DAAM2: variants seen among roughly 807,000 people sequenced by gnomAD.
The protein encoded by DAAM2 is dishevelled associated activator of morphogenesis 2, also known as disheveled-associated activator of morphogenesis 2.
In DAAM2, 39 loss-of-function variants were observed where a neutral mutation model predicts 120.7. The observed-to-expected ratio is 0.32, with a 90% CI of 0.25 to 0.42. The LOEUF (loss-of-function observed/expected upper bound fraction) is 0.42. DAAM2 is among the 10% of genes least tolerant of loss of function. The pLI, the probability that DAAM2 is intolerant of heterozygous loss-of-function variation, is 1.00. For synonymous variants in DAAM2, 488 were observed against 524.9 expected (o/e 0.93, Z 0.96); for missense variants, 1,283 against 1,401.7 (o/e 0.92, Z 1.35).
intron 1 of DAAM2, among the ~76,000 whole-genome samples, chr6:39,852,321 G>A (rs1763837725): frequency 6.6e-6 from 1 of 152,138 alleles, no homozygotes; most frequent in South Asian, 2.1e-4. Context: ...AATTCCTGTG[G>A]CCACTTCACC....
At chr6:39,897,591 G>A (rs1175992941) in intron 21 of DAAM2, among the ~76,000 whole-genome samples, 2 of 152,202 alleles carry the variant, frequency 1.3e-5, no homozygotes, top group African/African-American at 4.8e-5. Flanking sequence ...CTCCCAGTAT[G>A]GGAGACTTAC....
At chr6:39,877,801 G>A (rs1446197409) in intron 11 of DAAM2, among the ~76,000 whole-genome samples, 1 of 152,134 alleles carries the variant, frequency 6.6e-6, no homozygotes, top group African/African-American at 2.4e-5. Flanking sequence ...ACCATGGTAG[G>A]GCCAATATTT....
At chr6:39,837,928 G>GAT (rs931897464) in intron 1 of DAAM2, among the ~76,000 whole-genome samples, 80 of 152,288 alleles carry the variant, frequency 5.3e-4, no homozygotes, top group African/African-American at 1.8e-3. Flanking sequence ...GGCCCCCTCT[G>GAT]ATATCAGCCT....
intron 22 of DAAM2, 38 bp downstream of exon 22, chr6:39,898,975 CT>C: frequency 6.4e-7 from 1 of 1,550,634 alleles, no homozygotes; most frequent in Non-Finnish European, 8.8e-7. Flanking sequence ...GTGAGGGCTG[CT>C]GTCAGCAAAC....
At chr6:39,860,163 A>C (rs757388812) in intron 2 of DAAM2, among the ~76,000 whole-genome samples, 9 of 152,164 alleles carry the variant, frequency 5.9e-5, no homozygotes, top group Admixed American at 1.3e-4. Flanking sequence ...AATTCACCCT[A>C]AAATACCTAT....
chr6:39,876,967 C>T lies in DAAM2; in HGVS notation c.1302-1236C>T, dbSNP rs374194418. Among the ~76,000 whole-genome samples the T allele has an allele frequency of 1.4e-4, 22 of 152,326 alleles. 1 individual carries two copies. In the East Asian group the frequency reaches 3.9e-3, roughly 27 times the overall value. On this transcript the variant is annotated intron_variant, in intron 11 of 24. Transcript: ENST00000274867. ...TGCCTTTTTGGCATATGGGTAAAGA[C>T]GTCAGTGTGTTCCTGGAATCTTCAG...
intron 1 of DAAM2, among the ~76,000 whole-genome samples, chr6:39,842,840 G>A (rs1441665860): frequency 1.3e-5 from 2 of 150,064 alleles, no homozygotes; most frequent in African/African-American, 4.9e-5. Context: ...AGAGGGGGAG[G>A]AAGCAGGGGA....
intron 2 of DAAM2, among the ~76,000 whole-genome samples, chr6:39,857,129 A>G (rs1331543849): frequency 6.6e-6 from 1 of 152,214 alleles, no homozygotes; most frequent in East Asian, 1.9e-4. Context: ...GTGCAGCTTT[A>G]TACCCTGGCC....
chr6:39,866,519 G>A (rs1764437910), intron 5 of DAAM2, among the ~76,000 whole-genome samples: 1 of 152,150 alleles, frequency 6.6e-6, no homozygotes, highest in African/African-American at 2.4e-5. Context: ...CTAAATCAAG[G>A]GTACCTGTGT....
At chr6:39,877,698 G>C (rs1040762152) in intron 11 of DAAM2, among the ~76,000 whole-genome samples, 1 of 152,228 alleles carries the variant, frequency 6.6e-6, no homozygotes, top group African/African-American at 2.4e-5. Flanking sequence ...GCATGAACAA[G>C]GCTGTCCTCT....
At chr6:39,792,897 T>A (rs1453879187) in intron 1 of DAAM2, 1 of 152,288 alleles carries the variant, frequency 6.6e-6, no homozygotes, top group Non-Finnish European at 1.5e-5. Flanking sequence ...TTGGCTGGGC[T>A]GAAGTCTTCA....
intron 1 of DAAM2, among the ~76,000 whole-genome samples, chr6:39,813,065 G>A (rs1762208978): frequency 6.6e-6 from 1 of 152,048 alleles, no homozygotes; most frequent in African/African-American, 2.4e-5. Flanking sequence ...ACCACAACCG[G>A]GGAGCTTGCC....
At chr6:39,798,452 C>T (rs903469193) in intron 1 of DAAM2, among the ~76,000 whole-genome samples, 1 of 152,176 alleles carries the variant, frequency 6.6e-6, no homozygotes, top group Non-Finnish European at 1.5e-5. Context: ...AATCCAGTAT[C>T]ACAAGGTAGA....
intron 7 of DAAM2, 138 bp from the exon 8 acceptor site, chr6:39,870,202 G>A (rs2149312852): frequency 3.2e-6 from 2 of 625,584 alleles, no homozygotes; most frequent in South Asian, 3.8e-5. Context: ...GGAACTCTGG[G>A]ATTGGAAGCA....
chr6:39,844,649 G>T (rs1763490481), intron 1 of DAAM2, among the ~76,000 whole-genome samples: 1 of 152,108 alleles, frequency 6.6e-6, no homozygotes, highest in Non-Finnish European at 1.5e-5. Flanking sequence ...AAGAAGAAAA[G>T]ACATTGCCTT....
chr6:39,865,615 G>A (rs754475150), intron 5 of DAAM2, among the ~76,000 whole-genome samples: 21 of 152,358 alleles, frequency 1.4e-4, no homozygotes, highest in Admixed American at 9.1e-4. Context: ...GCCACAACGT[G>A]TGGGGCCCAA....
At chr6:39,841,539 A>T (rs1763341008) in intron 1 of DAAM2, among the ~76,000 whole-genome samples, 1 of 152,030 alleles carries the variant, frequency 6.6e-6, no homozygotes. Context: ...GGTGGATCAG[A>T]TTTCACATCG....
At chr6:39,837,738 G>A (rs1370775650) in intron 1 of DAAM2, among the ~76,000 whole-genome samples, 1 of 150,814 alleles carries the variant, frequency 6.6e-6, no homozygotes, top group Non-Finnish European at 1.5e-5. Context: ...GGGGCTTCAT[G>A]TGTCTGTTTC....
chr6:39,898,814 G>A, intron 21 of DAAM2, 63 bp from the exon 22 acceptor site: 1 of 1,434,998 alleles, frequency 7.0e-7, no homozygotes. Context: ...CCCTGAACCA[G>A]CCTTAGCACC....
Sources: allele counts gnomAD v4.1 joint callset (sites outside exome capture counted in the v4.1 genomes callset), GRCh38; gene constraint gnomAD v4.1.1; transcripts MANE v1.5; gene names NCBI Gene and HGNC (gene_info 2026-07-23, HGNC 2026-07-21).